The following CNOT6 variants were observed in gnomAD, a reference collection of about 807,000 sequenced individuals.
The protein encoded by CNOT6 is CCR4-NOT transcription complex subunit 6.
Under a neutral mutation model 61.2 loss-of-function variants are expected in CNOT6, and 12 were observed. The observed-to-expected ratio is 0.20, with a 90% CI of 0.13 to 0.32. The LOEUF (loss-of-function observed/expected upper bound fraction) is 0.32, where lower values mean the gene tolerates loss of function less well. Ranked by LOEUF, CNOT6 falls within the 10% of genes least tolerant of loss-of-function variation. CNOT6 has a pLI of 1.00. For synonymous variants in CNOT6, 225 were observed against 240.6 expected (o/e 0.94, Z 0.60); for missense variants, 405 against 663.9 (o/e 0.61, Z 4.28).
chr5:180,529,433 G>A (rs1376767623), intron 2 of CNOT6, 45 bp downstream of exon 2: 2 of 1,170,662 alleles, frequency 1.7e-6, no homozygotes, highest in Non-Finnish European at 2.5e-6. Flanking sequence ...ATTAAGATAT[G>A]GTAGTAAACT....
chr5:180,537,767 T>G (rs562496310), intron 2 of CNOT6, among the ~76,000 whole-genome samples: 1 of 152,004 alleles, frequency 6.6e-6, no homozygotes, highest in African/African-American at 2.4e-5. Context: ...ATATATAATT[T>G]GTAAATATTT....
chr5:180,532,399 C>T (rs1249239399), intron 2 of CNOT6, among the ~76,000 whole-genome samples: 1 of 152,174 alleles, frequency 6.6e-6, no homozygotes, highest in Non-Finnish European at 1.5e-5. Context: ...TCTCCTCCTT[C>T]CACCACATGC....
At chr5:180,517,054 G>A (rs1291195939) in intron 1 of CNOT6, among the ~76,000 whole-genome samples, 1 of 152,212 alleles carries the variant, frequency 6.6e-6, no homozygotes, top group Non-Finnish European at 1.5e-5. Flanking sequence ...CTTATGATCA[G>A]AAAGTAATCT....
chr5:180,519,304 G>GC (rs958723201), intron 1 of CNOT6, among the ~76,000 whole-genome samples: 1 of 152,222 alleles, frequency 6.6e-6, no homozygotes, highest in African/African-American at 2.4e-5. Context: ...CTGGGACACT[G>GC]CCATTTTGAG....
chr5:180,495,077 A>C (rs898365390), intron 1 of CNOT6, among the ~76,000 whole-genome samples: 3 of 152,042 alleles, frequency 2.0e-5, no homozygotes, highest in Non-Finnish European at 2.9e-5. Flanking sequence ...TCGTCGGAGG[A>C]GGCGAGTCCG....
intron 1 of CNOT6, among the ~76,000 whole-genome samples, chr5:180,508,335 G>A (rs909774061): frequency 2.0e-5 from 3 of 152,142 alleles, no homozygotes; most frequent in Non-Finnish European, 4.4e-5. Flanking sequence ...AGTATGAGAC[G>A]GAGTCTCGCT....
At chr5:180,499,498 A>G (rs539401367) in intron 1 of CNOT6, among the ~76,000 whole-genome samples, 133 of 152,342 alleles carry the variant, frequency 8.7e-4, no homozygotes, top group African/African-American at 2.9e-3. Context: ...AGACTAGCTT[A>G]AGGTCTAAGA....
In CNOT6 at chr5:180,529,536, T is replaced by C. The variant is rs573700061; in HGVS notation, c.112+148T>C. On this transcript the variant is annotated intron_variant, in intron 2 of 11. Transcript: ENST00000261951. Reference sequence around the variant, plus strand: ...AATGATTGTATTTTAGTAACTTATCTTAGAAGCAGGAAGGTTCAATGAAAA... The same window carrying C: ...AATGATTGTATTTTAGTAACTTATCCTAGAAGCAGGAAGGTTCAATGAAAA... 19 of 636,474 alleles carry C rather than the reference T, an allele frequency of 3.0e-5. No individual in the cohort carries two copies. In the Middle Eastern group the frequency reaches 1.2e-3, roughly 39 times the overall value. The allele number at this position is 636,474 out of a possible 1,614,324, so 39.4% of individuals were successfully genotyped here.
At chr5:180,545,544 T>G (rs1400148410) in intron 2 of CNOT6, among the ~76,000 whole-genome samples, 3 of 152,344 alleles carry the variant, frequency 2.0e-5, no homozygotes, top group Admixed American at 6.5e-5. Flanking sequence ...TTTGTTGGTT[T>G]TTAGTAGTTC....
intron 2 of CNOT6, among the ~76,000 whole-genome samples, chr5:180,542,638 A>G (rs1343867591): frequency 1.3e-5 from 2 of 152,188 alleles, no homozygotes; most frequent in Non-Finnish European, 2.9e-5. Flanking sequence ...AATTACACCT[A>G]GTTCTTTTAG....
At chr5:180,510,945 C>T (rs189184410) in intron 1 of CNOT6, among the ~76,000 whole-genome samples, 24 of 152,212 alleles carry the variant, frequency 1.6e-4, no homozygotes, top group Non-Finnish European at 2.9e-5. Context: ...GCTGGGACTA[C>T]AGGCACCTGC....
intron 2 of CNOT6, among the ~76,000 whole-genome samples, chr5:180,537,448 T>A (rs1446825835): frequency 1.3e-5 from 2 of 152,212 alleles, no homozygotes; most frequent in Non-Finnish European, 2.9e-5. Flanking sequence ...TGTGTTCAAA[T>A]CTTTTGCCCG....
chr5:180,525,125 GAAGAAACTAACGT>G (rs1367138220), intron 1 of CNOT6, among the ~76,000 whole-genome samples: 9 of 152,236 alleles, frequency 5.9e-5, no homozygotes, highest in Non-Finnish European at 1.5e-5. Flanking sequence ...TTTCTATATT[GAAGAAACTAACGT>G]ATAAGACCAG....
intron 4 of CNOT6, among the ~76,000 whole-genome samples, chr5:180,553,804 A>G (rs1445502861): frequency 6.6e-6 from 1 of 152,208 alleles, no homozygotes; most frequent in African/African-American, 2.4e-5. Context: ...CTCAAAAAAC[A>G]TGGAGCCTCT....
At chr5:180,501,177 T>TAATGAA (rs1398658243) in intron 1 of CNOT6, among the ~76,000 whole-genome samples, 1 of 152,138 alleles carries the variant, frequency 6.6e-6, no homozygotes, top group African/African-American at 2.4e-5. Context: ...AGGAGGCACA[T>TAATGAA]AATGAAAATG....
chr5:180,529,021 C>G (rs1758223379), intron 1 of CNOT6, among the ~76,000 whole-genome samples: 1 of 151,788 alleles, frequency 6.6e-6, no homozygotes, highest in Admixed American at 6.6e-5. Context: ...CCAGCCTGGC[C>G]AATATGGTGA....
Position 180,571,280 on chromosome 5 carries a change from T to C in CNOT6, c.1309T>C (p.Phe437Leu), listed in dbSNP as rs1581576159. 3.1e-6 allele frequency: 5 copies of C among 1,614,152 alleles called. No homozygotes were observed. Residue 437 changes from phenylalanine to leucine, a missense_variant, in exon 11 of 12, where the codon TTT becomes CTT. Phe to Leu is a conservative substitution (Grantham distance 22). Around this residue, in one of 5 missense-constraint regions of CNOT6, gnomAD observed 116 missense variants for 184.6 expected, o/e 0.63. Transcript: ENST00000261951. Reference protein sequence around the residue: ...TGGVETNHKDFKELRYNESLT... With the variant: ...TGGVETNHKDLKELRYNESLT... ...TGGAGTAGAAACAAATCACAAAGACTTTAAGGAGTTGAGGTATAATGAAAG... is the reference window on the plus strand; with the variant it reads ...TGGAGTAGAAACAAATCACAAAGACCTTAAGGAGTTGAGGTATAATGAAAG...
chr5:180,535,274 GT>G (rs1758626023), intron 2 of CNOT6, among the ~76,000 whole-genome samples: 1 of 152,250 alleles, frequency 6.6e-6, no homozygotes, highest in Admixed American at 6.5e-5. Flanking sequence ...TGCCCTAATA[GT>G]GAACATTGTA....
At chr5:180,548,406 C>T (rs1237055161) in intron 2 of CNOT6, among the ~76,000 whole-genome samples, 2 of 152,144 alleles carry the variant, frequency 1.3e-5, no homozygotes, top group East Asian at 1.9e-4. Context: ...CTGTTGACAA[C>T]TTGAGCCAGG....
Sources: gnomAD v4.1 joint callset for allele counts (sites outside exome capture counted in the v4.1 genomes callset) on GRCh38, gnomAD v4.1.1 for gene constraint, gnomAD v4.1.1 regional missense constraint, MANE v1.5 for transcripts, NCBI Gene and HGNC (gene_info 2026-07-23, HGNC 2026-07-21) for gene names.